The following DYM variants were observed in gnomAD, a reference collection of about 807,000 sequenced individuals.
DYM encodes dyggve-Melchior-Clausen syndrome protein.
In DYM, 78 loss-of-function variants were observed where a neutral mutation model predicts 93.1. That is an observed-to-expected ratio of 0.84 (90% confidence interval 0.70 to 1.01). The LOEUF is 1.01. Ranked by LOEUF, DYM falls within the 50% of genes least tolerant of loss-of-function variation. The probability of loss-of-function intolerance (pLI) is 0.00; values close to 1 mark genes in which losing one functional copy is unlikely to be tolerated. For missense variants in DYM, 789 were observed against 845.0 expected (o/e 0.93, Z 0.82); for synonymous variants, 321 against 319.7 (o/e 1.00, Z -0.04).
At position 49,251,463 on chromosome 18, in the gene DYM, C is replaced by T. The variant is rs1451033945; in HGVS notation, c.1460+5547G>A. On this transcript the variant is annotated intron_variant, in intron 13 of 17. Coordinates refer to ENST00000675505, the MANE Select transcript of DYM (RefSeq NM_001353214.3). ...GCAATTTAGGTGACTGTGGTGAGGG[C>T]CATTACCTAGGACAGGGGATTTAAA... is the stretch of plus-strand genomic sequence containing the variant. 5.3e-5 allele frequency among the ~76,000 whole-genome samples: 8 copies of T among 152,034 alleles called. No homozygotes were observed. In the East Asian group the frequency reaches 1.3e-3, roughly 26 times the overall value.
At chr18:49,163,970 G>A (rs555029145) in intron 14 of DYM, among the ~76,000 whole-genome samples, 183 bp from the exon 15 acceptor site, 4 of 152,262 alleles carry the variant, frequency 2.6e-5, no homozygotes, top group Non-Finnish European at 4.4e-5. Context: ...AAGGAGTGGG[G>A]AGGATGTTTA....
chr18:49,063,202 T>C (rs1474640116), intron 17 of DYM, among the ~76,000 whole-genome samples: 1 of 152,182 alleles, frequency 6.6e-6, no homozygotes, highest in Non-Finnish European at 1.5e-5. Flanking sequence ...CTCTGCCCAA[T>C]TTCCCACACC....
chr18:49,443,123 T>C (rs1020419274), intron 1 of DYM, among the ~76,000 whole-genome samples: 1 of 152,196 alleles, frequency 6.6e-6, no homozygotes, highest in Non-Finnish European at 1.5e-5. Flanking sequence ...GCCGGGATTA[T>C]AGGCATAAGC....
chr18:49,202,450 G>A (rs1385890325), intron 14 of DYM, among the ~76,000 whole-genome samples: 4 of 142,368 alleles, frequency 2.8e-5, no homozygotes, highest in Admixed American at 7.0e-5. Flanking sequence ...CTGCCTGGCC[G>A]CCCATCGTCT....
At chr18:49,221,776 G>T (rs1015453794) in intron 13 of DYM, among the ~76,000 whole-genome samples, 1 of 152,054 alleles carries the variant, frequency 6.6e-6, no homozygotes, top group Non-Finnish European at 1.5e-5. Context: ...GAAGGAGGGA[G>T]GGATAGCATT....
At chr18:49,121,032 A>G (rs1489412254) in intron 15 of DYM, among the ~76,000 whole-genome samples, 1 of 152,230 alleles carries the variant, frequency 6.6e-6, no homozygotes, top group Non-Finnish European at 1.5e-5. Context: ...AATGTATGAA[A>G]CACACAAAAA....
At chr18:49,369,670 G>A (rs1391161621) in intron 5 of DYM, among the ~76,000 whole-genome samples, 1 of 152,128 alleles carries the variant, frequency 6.6e-6, no homozygotes, top group Non-Finnish European at 1.5e-5. Context: ...ATATTTTATT[G>A]GAGTTCCAGG....
At chr18:49,327,101 G>A (rs1291477005) in intron 8 of DYM, among the ~76,000 whole-genome samples, 6 of 148,746 alleles carry the variant, frequency 4.0e-5, no homozygotes, top group Non-Finnish European at 9.0e-5. Flanking sequence ...GACAGAAGAG[G>A]AGAAAAAACA....
chr18:49,426,236 G>T (rs971641429), intron 2 of DYM, among the ~76,000 whole-genome samples: 2 of 152,008 alleles, frequency 1.3e-5, no homozygotes, highest in Non-Finnish European at 2.9e-5. Flanking sequence ...ATGAGTTCAC[G>T]TCCTCTGTAG....
chr18:49,257,698 A>AG (rs2094415860), intron 12 of DYM, among the ~76,000 whole-genome samples: 1 of 151,156 alleles, frequency 6.6e-6, no homozygotes, highest in Non-Finnish European at 1.5e-5. Flanking sequence ...AAAAAAAAAA[A>AG]TTAGTCAGGT....
intron 14 of DYM, among the ~76,000 whole-genome samples, chr18:49,181,709 A>G (rs1468582018): frequency 6.6e-6 from 1 of 152,138 alleles, no homozygotes; most frequent in Non-Finnish European, 1.5e-5. Flanking sequence ...GCCCAAAATT[A>G]CTCCACATAC....
chr18:49,432,599 ATTTTT>A (rs35279467), intron 1 of DYM, among the ~76,000 whole-genome samples: 78 of 129,568 alleles, frequency 6.0e-4, no homozygotes, highest in Non-Finnish European at 1.0e-3. Flanking sequence ...CAGCATTAAA[ATTTTT>A]TTTTTTTTTT....
intron 13 of DYM, among the ~76,000 whole-genome samples, chr18:49,251,128 G>T (rs943435491): frequency 1.3e-5 from 2 of 152,232 alleles, no homozygotes; most frequent in South Asian, 4.1e-4. Context: ...CAAAATCACA[G>T]TGAAGAGCAC....
intron 9 of DYM, 135 bp from the exon 10 acceptor site, chr18:49,282,310 A>AC: frequency 1.0e-6 from 1 of 981,922 alleles, no homozygotes. Flanking sequence ...TCAAAATTTT[A>AC]ATTTATGTAA....
intron 17 of DYM, among the ~76,000 whole-genome samples, chr18:49,064,955 T>G (rs559825992): frequency 6.6e-6 from 1 of 151,788 alleles, no homozygotes; most frequent in African/African-American, 2.4e-5. Flanking sequence ...CCCCAAGGGT[T>G]GCTAAGCTAT....
chr18:49,133,007 A>G (rs183521835), intron 15 of DYM, among the ~76,000 whole-genome samples: 8 of 152,338 alleles, frequency 5.3e-5, no homozygotes, highest in African/African-American at 1.9e-4. Flanking sequence ...AATATGTTCA[A>G]CTTTGCTGGT....
At chr18:49,191,692 T>A (rs2090989964) in intron 14 of DYM, among the ~76,000 whole-genome samples, 1 of 152,164 alleles carries the variant, frequency 6.6e-6, no homozygotes, top group South Asian at 2.1e-4. Context: ...AGTGAAATTG[T>A]GAGTAGGTAA....
intron 6 of DYM, among the ~76,000 whole-genome samples, chr18:49,352,861 C>T (rs1158667278): frequency 6.6e-6 from 1 of 151,984 alleles, no homozygotes; most frequent in Non-Finnish European, 1.5e-5. Flanking sequence ...TGCCTAAGTA[C>T]ATTACTGGGA....
intron 2 of DYM, among the ~76,000 whole-genome samples, chr18:49,420,891 C>A (rs997221833): frequency 6.6e-6 from 1 of 152,156 alleles, no homozygotes; most frequent in African/African-American, 2.4e-5. Flanking sequence ...GAGGGTCCCA[C>A]ACCCACGGAG....
Sources: allele counts gnomAD v4.1 joint callset (sites outside exome capture counted in the v4.1 genomes callset), GRCh38; gene constraint gnomAD v4.1.1; transcripts MANE v1.5; gene names NCBI Gene and HGNC (gene_info 2026-07-23, HGNC 2026-07-21).